FAM76B: variants seen among roughly 807,000 people sequenced by gnomAD.
FAM76B encodes protein FAM76B.
FAM76B carries 16 observed loss-of-function variants against 51.8 expected under a neutral mutation model. The observed-to-expected ratio is 0.31, with a 90% CI of 0.21 to 0.47. The LOEUF (loss-of-function observed/expected upper bound fraction) is 0.47. FAM76B is among the 20% of genes least tolerant of loss of function. FAM76B has a pLI of 1.00. For synonymous variants in FAM76B, 166 were observed against 129.5 expected, an observed-to-expected ratio of 1.28 and a Z score of -1.91; for missense variants, 342 against 392.6, an observed-to-expected ratio of 0.87 and a Z score of 1.09.
intron 2 of FAM76B, 45 bp downstream of exon 2, chr11:95,788,454 G>A: frequency 7.0e-7 from 1 of 1,432,542 alleles, no homozygotes; most frequent in Non-Finnish European, 9.8e-7. Context: ...ATTCCATAAA[G>A]ACAACACTTG....
rs371643379 is a variant in FAM76B at position 95,789,395 on chromosome 11, G to A, written c.84C>T (p.Cys28=). ...CCGCCTCCCGGAGCCCACGGACCTT[G>A]CAGAGCTGCTGGCCCTGGGAGAGCT... is the stretch of plus-strand genomic sequence containing the variant. ...FEELSQGQQL[C]KECRIAHPIV... The change falls in exon 1 of 10, where the codon TGC becomes TGT. Residue 28 remains cysteine (C), a synonymous_variant. Transcript: ENST00000358780. 40 of 1,599,256 alleles carry A rather than the reference G, an allele frequency of 2.5e-5. No individual in the cohort carries two copies. In the African/African-American group the frequency reaches 5.0e-4, roughly 20 times the overall value.
intron 9 of FAM76B, among the ~76,000 whole-genome samples, chr11:95,773,667 G>A (rs539089410): frequency 2.7e-4 from 41 of 151,408 alleles, no homozygotes; most frequent in Middle Eastern, 3.4e-3. Flanking sequence ...CTCAAAATGA[G>A]TTGAAGGAAC....
intron 4 of FAM76B, among the ~76,000 whole-genome samples, chr11:95,785,105 G>A (rs1860490953): frequency 6.6e-6 from 1 of 152,090 alleles, no homozygotes; most frequent in South Asian, 2.1e-4. Flanking sequence ...ACTATTCTAA[G>A]GGATAAAGAC....
chr11:95,782,210 C>T (rs1462913780), intron 5 of FAM76B, among the ~76,000 whole-genome samples: 1 of 152,014 alleles, frequency 6.6e-6, no homozygotes, highest in East Asian at 1.9e-4. Flanking sequence ...GGTTAAGGTA[C>T]TACTACTACT....
rs1020709149 is a variant in FAM76B, at chr11:95,769,868, T to C, written c.*1693A>G. The C allele has an allele frequency of 1.3e-5, 2 of 151,510 alleles. No individual in the cohort carries two copies. The highest frequency in any genetic ancestry group is 3.0e-5 in the Non-Finnish European group (2 of 67,584). 9.4% of individuals were successfully genotyped at this position (151,510 alleles called of 1,614,324 possible). A position where few individuals can be genotyped will look rare whatever the true frequency, so the allele number is the denominator to read the frequency against. On this transcript the variant is annotated 3_prime_UTR_variant, in exon 10 of 10. Coordinates refer to ENST00000358780, the MANE Select transcript of FAM76B (RefSeq NM_144664.5). ...TGTATCACTTGAAAATTACCCTATA[T>C]TATGCTTTCAAAATGGACAAAGAAT...
At chr11:95,782,507 GTC>G (rs1860325894) in intron 5 of FAM76B, among the ~76,000 whole-genome samples, 1 of 151,868 alleles carries the variant, frequency 6.6e-6, no homozygotes, top group African/African-American at 2.4e-5. Context: ...AACTACAGTT[GTC>G]TCTATTTAAG....
At chr11:95,773,504 A>C (rs1241298491) in intron 9 of FAM76B, among the ~76,000 whole-genome samples, 2 of 150,226 alleles carry the variant, frequency 1.3e-5, no homozygotes, top group African/African-American at 2.4e-5. Flanking sequence ...GACTCTTAAG[A>C]AAGCTAAGTT....
Position 95,783,220 on chromosome 11 carries a change from T to C in FAM76B, c.408A>G (p.Lys136=). The C allele has an allele frequency of 6.2e-7, 1 of 1,613,766 alleles. No homozygotes were observed. The highest frequency in any genetic ancestry group is 8.5e-7 in the Non-Finnish European group (1 of 1,179,952). Residue 136 remains lysine, a synonymous_variant, in exon 5 of 10, where the codon AAA becomes AAG. Transcript: ENST00000358780. ...GTTCTTTCGTCTTCTGTAAAACTCT[T>C]TTGTACGATAAAGTACAGAGCCAGC... ...LLCWLCTLSY[K]RVLQKTKEQR... is the part of the protein sequence containing the mutation.
In FAM76B at chr11:95,771,503, C is replaced by T; in HGVS notation, c.*58G>A. 1 of 1,426,724 alleles carries T rather than the reference C, an allele frequency of 7.0e-7. No individual in the cohort carries two copies. The highest frequency in any genetic ancestry group is 1.2e-5 in the South Asian group (1 of 84,140). 88.4% of individuals were successfully genotyped at this position (1,426,724 alleles called of 1,614,324 possible). On this transcript the variant is annotated 3_prime_UTR_variant, in exon 10 of 10. Transcript: ENST00000358780. ...TACTACACAGAATTTAAGGGCTTCA[C>T]AGAATTTTTTTTCCCCAAATTTACA...
chr11:95,788,635 T>C, intron 1 of FAM76B, 72 bp from the exon 2 acceptor site: 1 of 1,456,760 alleles, frequency 6.9e-7, no homozygotes, highest in Non-Finnish European at 9.5e-7. Flanking sequence ...TAGAAAACTG[T>C]TTACCCAACC....
chr11:95,782,322 T>C (rs1158562412), intron 5 of FAM76B, among the ~76,000 whole-genome samples: 5 of 152,098 alleles, frequency 3.3e-5, no homozygotes, highest in South Asian at 2.1e-4. Context: ...AATTTTTTTT[T>C]CCCAACCAAA....
At position 95,779,872 on chromosome 11, in the gene FAM76B, T is replaced by C; in HGVS notation, c.611+7A>G. Reference sequence around the variant, plus strand: ...AAATACTTCAGAAAATACAGCAATGTATTTACCTCTGTTTCCACAGTCCCT... The same window carrying C: ...AAATACTTCAGAAAATACAGCAATGCATTTACCTCTGTTTCCACAGTCCCT... On this transcript the variant is annotated splice_region_variant and intron_variant, in intron 6 of 9. Transcript: ENST00000358780. 8 of 1,601,986 alleles carry C rather than the reference T, an allele frequency of 5.0e-6. No homozygotes were observed. Among genetic ancestry groups the C allele is most frequent in the Non-Finnish European group, 6.0e-6 (7 of 1,175,476 alleles).
chr11:95,771,628 T>G lies in FAM76B; in HGVS notation c.953A>C (p.Lys318Thr). 1 of 1,607,130 alleles carries G rather than the reference T, an allele frequency of 6.2e-7. No individual in the cohort carries two copies. The highest frequency in any genetic ancestry group is 8.5e-7 in the Non-Finnish European group (1 of 1,175,070). The change falls in exon 10 of 10, where the codon AAA (lysine) becomes ACA (threonine). Residue 318 changes from lysine (K) to threonine (T), a missense_variant. Coordinates refer to ENST00000358780, the MANE Select transcript of FAM76B (RefSeq NM_144664.5). Reference protein sequence around the residue: ...QLQAKNRELLKQVAALSKGKK... With the variant: ...QLQAKNRELLTQVAALSKGKK... Reference sequence around the variant, plus strand: ...ACCCTTTGATAATGCTGCGACCTGTTTGAGTAGTTCTCTGTTTTTGGCCTG... The same window carrying G: ...ACCCTTTGATAATGCTGCGACCTGTGTGAGTAGTTCTCTGTTTTTGGCCTG...
intron 1 of FAM76B, 85 bp downstream of exon 1, chr11:95,789,307 G>C (rs1043286021): frequency 7.8e-6 from 11 of 1,414,882 alleles, no homozygotes; most frequent in Middle Eastern, 2.2e-4. Flanking sequence ...CGCCGGCGAA[G>C]AGGGGCTGCA....
Position 95,771,564 on chromosome 11 carries a change from A to G in FAM76B, c.1017T>C (p.Pro339=). The change falls in exon 10 of 10, where the codon CCT becomes CCC. Residue 339 remains proline (P), a synonymous_variant. Transcript: ENST00000358780. The stretch of plus-strand genomic sequence containing the variant: ...AAATGCTAAACAAATGACTTTCTCA[A>G]GGAGATGTTAGTATGCTTCCACTTT... ...FDKSGSILTS[P] 6.2e-7 allele frequency: 1 copy of G among 1,603,090 alleles called. No homozygotes were observed. The highest frequency in any genetic ancestry group is 8.5e-7 in the Non-Finnish European group (1 of 1,172,160).
intron 3 of FAM76B, 100 bp from the exon 4 acceptor site, chr11:95,786,374 C>A: frequency 7.1e-7 from 1 of 1,410,384 alleles, no homozygotes; most frequent in East Asian, 2.4e-5. Context: ...TAAGAAAACT[C>A]AGGTAAAAAA....
rs778426748 is a variant in FAM76B at position 95,789,403 on chromosome 11, G to C, written c.76C>G (p.Gln26Glu). The change falls in exon 1 of 10, where the codon CAG becomes GAG. Residue 26 changes from glutamine (Q) to glutamate (E), a missense_variant. Physicochemically the swap from Gln to Glu is conservative, Grantham distance 29. Coordinates refer to ENST00000358780, the MANE Select transcript of FAM76B (RefSeq NM_144664.5). ...YPFEELSQGQ[Q>E]LCKECRIAHP... is the part of the protein sequence containing the mutation. ...CGGAGCCCACGGACCTTGCAGAGCT[G>C]CTGGCCCTGGGAGAGCTCCTCGAAA... 1 of 1,603,082 alleles carries C rather than the reference G, an allele frequency of 6.2e-7. No individual in the cohort carries two copies. Among genetic ancestry groups the C allele is most frequent in the African/African-American group, 1.3e-5 (1 of 74,622 alleles).
At position 95,789,577 on chromosome 11, in the gene FAM76B, CT is replaced by C; in HGVS notation, c.-100del. The C allele has an allele frequency of 9.7e-7, 1 of 1,035,290 alleles. No homozygotes were observed. The highest frequency in any genetic ancestry group is 1.4e-6 in the Non-Finnish European group (1 of 723,432). 64.1% of individuals were successfully genotyped at this position (1,035,290 alleles called of 1,614,324 possible). A position where few individuals can be genotyped will look rare whatever the true frequency, so the allele number is the denominator to read the frequency against. On this transcript the variant is annotated 5_prime_UTR_variant, in exon 1 of 10. Coordinates refer to ENST00000358780, the MANE Select transcript of FAM76B (RefSeq NM_144664.5). ...CCGCCCGGGCCGCGGGCTCCTCCTC[CT>C]CCCCCTCCCCCTGCCTCGCGCCCAC...
intron 5 of FAM76B, among the ~76,000 whole-genome samples, chr11:95,780,661 G>C (rs1860219088): frequency 6.6e-6 from 1 of 151,834 alleles, no homozygotes; most frequent in Admixed American, 6.6e-5. Flanking sequence ...TATTCACTCA[G>C]CATGTAGAGA....
Sources: allele counts gnomAD v4.1 joint callset (sites outside exome capture counted in the v4.1 genomes callset), GRCh38; gene constraint gnomAD v4.1.1; transcripts MANE v1.5; gene names NCBI Gene and HGNC (gene_info 2026-07-23, HGNC 2026-07-21).